The following CDK13 variants were observed in gnomAD, a reference collection of about 807,000 sequenced individuals.
CDK13 encodes cyclin dependent kinase 13, also known as cyclin-dependent kinase 13.
Under a neutral mutation model 137.6 loss-of-function variants are expected in CDK13, and 40 were observed. The ratio of observed to expected loss-of-function variants is 0.29; its 90% CI spans 0.23 to 0.38. The LOEUF is 0.38. CDK13 is among the 10% of genes least tolerant of loss of function. The pLI, the probability that CDK13 is intolerant of heterozygous loss-of-function variation, is 1.00. For synonymous variants in CDK13, 869 were observed against 760.1 expected (o/e 1.14, Z -2.36); for missense variants, 1,704 against 1,951.8 (o/e 0.87, Z 2.39).
At chr7:40,074,265 A>G (rs1296604295) in intron 9 of CDK13, among the ~76,000 whole-genome samples, 1 of 152,014 alleles carries the variant, frequency 6.6e-6, no homozygotes, top group South Asian at 2.1e-4. Flanking sequence ...GCTCACGCCC[A>G]TAATCCCAGC....
chr7:39,951,618 C>T lies in CDK13; in HGVS notation c.977C>T (p.Pro326Leu), dbSNP rs754925610. 4.0e-6 allele frequency: 6 copies of T among 1,483,412 alleles called. No individual in the cohort carries two copies. Among genetic ancestry groups the T allele is most frequent in the Non-Finnish European group, 5.4e-6 (6 of 1,120,762 alleles). 91.9% of individuals were successfully genotyped at this position (1,483,412 alleles called of 1,614,324 possible). A position where few individuals can be genotyped will look rare whatever the true frequency, so the allele number is the denominator to read the frequency against. ...LSPLGGRDDS[P>L]VSHRASQSLR... ...CCACTGGGAGGCCGGGACGACAGCC[C>T]GGTGTCCCACAGGGCCTCTCAGAGC... Residue 326 changes from proline to leucine, a missense_variant, in exon 1 of 14, where the codon CCG (proline) becomes CTG (leucine). By Grantham distance (98) the Pro-to-Leu change is moderately conservative. This residue lies in a region of CDK13 where 1,051 missense variants were observed against 931.0 expected (regional missense o/e 1.13). Coordinates refer to ENST00000181839, the MANE Select transcript of CDK13 (RefSeq NM_003718.5).
chr7:39,995,355 G>A (rs1013195081), intron 2 of CDK13, among the ~76,000 whole-genome samples: 4 of 152,048 alleles, frequency 2.6e-5, no homozygotes, highest in Admixed American at 6.6e-5. Flanking sequence ...CTTGACTAAA[G>A]CCTCATTACA....
At position 40,030,890 on chromosome 7, in the gene CDK13, G is replaced by T. The variant is rs144170330; in HGVS notation, c.2354-14946G>T. Among the ~76,000 whole-genome samples, 581 of 152,264 alleles carry T rather than the reference G, an allele frequency of 3.8e-3. 1 individual carries two copies. The highest frequency in any genetic ancestry group is 0.012 in the African/African-American group (516 of 41,542). ...ACTCAAAATATTCCATTGTATGGGT[G>T]TACCACAGTTCGTTGAACCATTCAC... On this transcript the variant is annotated intron_variant, in intron 5 of 13. Transcript: ENST00000181839.
In CDK13 at chr7:39,973,199, C is replaced by T. The variant is rs374471132; in HGVS notation, c.1212-14400C>T. On this transcript the variant is annotated intron_variant, in intron 1 of 13. Coordinates refer to ENST00000181839, the MANE Select transcript of CDK13 (RefSeq NM_003718.5). Reference sequence around the variant, plus strand: ...TTGCCCAGGCTAAAGTGCAGTGGCACAATTTTGGCTCACTGCAGCCTCCAT... The same window carrying T: ...TTGCCCAGGCTAAAGTGCAGTGGCATAATTTTGGCTCACTGCAGCCTCCAT... Among the ~76,000 whole-genome samples, 27 of 152,254 alleles carry T rather than the reference C, an allele frequency of 1.8e-4. No homozygotes were observed. In the East Asian group the frequency reaches 2.3e-3, roughly 13 times the overall value.
intron 1 of CDK13, among the ~76,000 whole-genome samples, chr7:39,954,171 G>C (rs1191738746): frequency 6.6e-6 from 1 of 151,952 alleles, no homozygotes; most frequent in Non-Finnish European, 1.5e-5. Context: ...CATGATTTCT[G>C]AGTCTTCTAG....
At chr7:40,064,078 A>C (rs1177454752) in intron 9 of CDK13, among the ~76,000 whole-genome samples, 2 of 151,904 alleles carry the variant, frequency 1.3e-5, no homozygotes, top group Non-Finnish European at 2.9e-5. Context: ...TGAGGTTGGG[A>C]GTTTGAGACC....
chr7:40,081,339 A>G (rs1019814667), intron 11 of CDK13, among the ~76,000 whole-genome samples: 1 of 152,184 alleles, frequency 6.6e-6, no homozygotes, highest in Non-Finnish European at 1.5e-5. Context: ...AAATGTCAAC[A>G]TAGTAAATGC....
chr7:40,012,135 A>C (rs201594768), intron 5 of CDK13, among the ~76,000 whole-genome samples: 86 of 152,062 alleles, frequency 5.7e-4, no homozygotes, highest in East Asian at 3.0e-3. Context: ...ACCACCAACA[A>C]CAACAAAAAA....
chr7:40,001,765 A>G, intron 4 of CDK13, 96 bp from the exon 5 acceptor site: 1 of 817,958 alleles, frequency 1.2e-6, no homozygotes, highest in Non-Finnish European at 2.0e-6. Flanking sequence ...TTTTTGAGAA[A>G]TAAGAACAGA....
chr7:39,996,964 AAAAAAAAAAAAAG>A (rs955134438), intron 2 of CDK13, among the ~76,000 whole-genome samples: 5 of 79,742 alleles, frequency 6.3e-5, no homozygotes, highest in African/African-American at 1.3e-4. Context: ...TCCATCTCAA[AAAAAAAAAAAAAG>A]AAAAAAAAAA....
At chr7:40,079,000 A>C (rs1434633725) in intron 11 of CDK13, 149 bp downstream of exon 11, 12 of 232,964 alleles carry the variant, frequency 5.2e-5, no homozygotes, top group Non-Finnish European at 8.3e-5. Flanking sequence ...TAATACACAT[A>C]ATTTGCACAT....
intron 7 of CDK13, among the ~76,000 whole-genome samples, chr7:40,049,508 T>A (rs1231035919): frequency 1.3e-5 from 2 of 152,134 alleles, no homozygotes; most frequent in African/African-American, 2.4e-5. Context: ...TGAGTTAGTT[T>A]CCTTTTTTAA....
intron 5 of CDK13, among the ~76,000 whole-genome samples, chr7:40,006,696 C>T (rs1312141083): frequency 2.0e-5 from 3 of 152,188 alleles, no homozygotes; most frequent in South Asian, 2.1e-4. Flanking sequence ...GCAGGAGAAT[C>T]GCTTGAACCC....
rs776701426 is a variant in CDK13, at chr7:39,951,696, C to T, written c.1055C>T (p.Ser352Phe). 8.9e-6 allele frequency: 13 copies of T among 1,467,304 alleles called. No homozygotes were observed. The highest frequency in any genetic ancestry group is 8.0e-5 in the East Asian group (3 of 37,608). 90.9% of individuals were successfully genotyped at this position (1,467,304 alleles called of 1,614,324 possible). A position where few individuals can be genotyped will look rare whatever the true frequency, so the allele number is the denominator to read the frequency against. ...SPAGGGSSPY[S>F]RRLPRSPSPY... Reference sequence around the variant, plus strand: ...GCAGGAGGTGGCAGCAGCCCCTATTCTCGGCGGCTGCCGCGCTCCCCGAGC... The same window carrying T: ...GCAGGAGGTGGCAGCAGCCCCTATTTTCGGCGGCTGCCGCGCTCCCCGAGC... Residue 352 changes from serine to phenylalanine, a missense_variant, in exon 1 of 14, where the codon TCT becomes TTT. By Grantham distance (155) the Ser-to-Phe change is radical (BLOSUM62 -2). This residue lies in a region of CDK13 where 1,051 missense variants were observed against 931.0 expected (regional missense o/e 1.13). Coordinates refer to ENST00000181839, the MANE Select transcript of CDK13 (RefSeq NM_003718.5).
At position 40,027,655 on chromosome 7, in the gene CDK13, CTTTT is replaced by C. The variant is rs761581418; in HGVS notation, c.2354-18161_2354-18158del. 2.2e-3 allele frequency among the ~76,000 whole-genome samples: 194 copies of C among 89,714 alleles called. 2 individuals are homozygous for C. The East Asian group carries it at 0.024, about 11-fold the overall frequency. 58.9% of individuals were successfully genotyped at this position (89,714 alleles called of 152,430 possible). A position where few individuals can be genotyped will look rare whatever the true frequency, so the allele number is the denominator to read the frequency against. Reference sequence around the variant, plus strand: ...CCTTACTTTCTATAACACCCTTGGGCTTTTTTTTTTTTTTTTTTTTTTTGAGGAT... The same window carrying C: ...CCTTACTTTCTATAACACCCTTGGGCTTTTTTTTTTTTTTTTTTTGAGGAT... On this transcript the variant is annotated intron_variant, in intron 5 of 13. Coordinates refer to ENST00000181839, the MANE Select transcript of CDK13 (RefSeq NM_003718.5).
intron 5 of CDK13, among the ~76,000 whole-genome samples, chr7:40,044,284 A>G (rs1480618610): frequency 6.7e-6 from 1 of 150,314 alleles, no homozygotes; most frequent in African/African-American, 2.4e-5. Context: ...TTTATTTTCT[A>G]GTGAATTGTT....
At chr7:40,021,118 TATATACAC>T (rs1785112729) in intron 5 of CDK13, among the ~76,000 whole-genome samples, 1 of 107,096 alleles carries the variant, frequency 9.3e-6, no homozygotes, top group African/African-American at 2.8e-5. Flanking sequence ...TATATATATA[TATATACAC>T]ACACACACAC....
chr7:40,086,835 T>G (rs1786797598), intron 11 of CDK13, among the ~76,000 whole-genome samples: 1 of 142,038 alleles, frequency 7.0e-6, no homozygotes, highest in Non-Finnish European at 1.5e-5. Context: ...TTTTTTGAGA[T>G]AGGGTCTGGC....
rs1787074902 is a variant in CDK13 at position 40,097,641 on chromosome 7, A to G, written c.*2661A>G. On this transcript the variant is annotated 3_prime_UTR_variant, in exon 14 of 14. Transcript: ENST00000181839. ...CTGCAAGTTAAGAAGACAAAAATAT[A>G]AAAGATTTGACCTGCCAAAAGAAGA... is the stretch of plus-strand genomic sequence containing the variant. 6.6e-6 allele frequency: 1 copy of G among 152,254 alleles called. No homozygotes were observed. Among genetic ancestry groups the G allele is most frequent in the Middle Eastern group, 3.4e-3 (1 of 294 alleles). 9.4% of individuals were successfully genotyped at this position (152,254 alleles called of 1,614,324 possible).
Sources: allele counts gnomAD v4.1 joint callset (sites outside exome capture counted in the v4.1 genomes callset), GRCh38; gene constraint gnomAD v4.1.1; regional missense constraint gnomAD v4.1.1; transcripts MANE v1.5; gene names NCBI Gene and HGNC (gene_info 2026-07-23, HGNC 2026-07-21).